DPYSL3: variants seen among roughly 807,000 people sequenced by gnomAD.
The protein encoded by DPYSL3 is dihydropyrimidinase-related protein 3.
DPYSL3 carries 16 observed loss-of-function variants against 66.1 expected under a neutral mutation model. The observed-to-expected ratio is 0.24, with a 90% CI of 0.16 to 0.37. The LOEUF (loss-of-function observed/expected upper bound fraction) is 0.37, where lower values mean the gene tolerates loss of function less well. DPYSL3 is among the 10% of genes least tolerant of loss of function. The probability of loss-of-function intolerance (pLI) is 1.00; values close to 1 mark genes in which losing one functional copy is unlikely to be tolerated. For synonymous variants in DPYSL3, 338 were observed against 345.1 expected (o/e 0.98, Z 0.23); for missense variants, 738 against 916.2 (o/e 0.81, Z 2.51).
chr5:147,393,923 T>C lies in DPYSL3; in HGVS notation c.*112A>G. 1 of 1,072,000 alleles carries C rather than the reference T, an allele frequency of 9.3e-7. No homozygotes were observed. The highest frequency in any genetic ancestry group is 1.4e-6 in the Non-Finnish European group (1 of 720,394). The allele number at this position is 1,072,000 out of a possible 1,614,324, so 66.4% of individuals were successfully genotyped here. A position where few individuals can be genotyped will look rare whatever the true frequency, so the allele number is the denominator to read the frequency against. On this transcript the variant is annotated 3_prime_UTR_variant, in exon 14 of 14. Coordinates refer to ENST00000343218, the MANE Select transcript of DPYSL3 (RefSeq NM_001197294.2). ...AAACATAAGGCTTGAGGCTTATTGA[T>C]TCTTTAGATCACAACCGTTTGGATT...
chr5:147,476,566 C>G (rs896529292), intron 1 of DPYSL3, among the ~76,000 whole-genome samples: 8 of 152,116 alleles, frequency 5.3e-5, no homozygotes, highest in Non-Finnish European at 8.8e-5. Context: ...AGATGAACCC[C>G]TTTGGTCCAT....
intron 1 of DPYSL3, among the ~76,000 whole-genome samples, chr5:147,486,488 T>TC (rs1319441516): frequency 6.6e-6 from 1 of 152,210 alleles, no homozygotes; most frequent in Admixed American, 6.5e-5. Context: ...CTATCTATAG[T>TC]CTAGTTGGAT....
At chr5:147,424,778 A>G (rs1752164239) in intron 2 of DPYSL3, 97 bp downstream of exon 2, 10 of 964,630 alleles carry the variant, frequency 1.0e-5, no homozygotes, top group Non-Finnish European at 1.5e-5. Flanking sequence ...TTAAATTAAG[A>G]TTTTTTTCAC....
At chr5:147,464,294 G>A (rs1207394463) in intron 1 of DPYSL3, among the ~76,000 whole-genome samples, 1 of 152,200 alleles carries the variant, frequency 6.6e-6, no homozygotes, top group Non-Finnish European at 1.5e-5. Flanking sequence ...AGAAGCAGGA[G>A]TGATCCCTTT....
intron 13 of DPYSL3, 34 bp from the exon 14 acceptor site, chr5:147,394,157 A>T: frequency 6.2e-7 from 1 of 1,609,352 alleles, no homozygotes; most frequent in Non-Finnish European, 8.5e-7. Context: ...GGGGGAAAAA[A>T]AAAACAGAGT....
intron 1 of DPYSL3, among the ~76,000 whole-genome samples, chr5:147,449,357 T>C (rs1752685303): frequency 1.3e-5 from 2 of 152,230 alleles, no homozygotes; most frequent in South Asian, 2.1e-4. Context: ...GCAAGTTGTA[T>C]TCCTAACTGG....
intron 2 of DPYSL3, among the ~76,000 whole-genome samples, chr5:147,422,174 C>CA (rs992981248): frequency 2.6e-5 from 4 of 151,842 alleles, no homozygotes; most frequent in Non-Finnish European, 4.4e-5. Context: ...ACAACCCCAT[C>CA]AAAAAAATGG....
chr5:147,441,399 T>C (rs1226565297), intron 1 of DPYSL3, among the ~76,000 whole-genome samples: 1 of 152,052 alleles, frequency 6.6e-6, no homozygotes, highest in Admixed American at 6.5e-5. Context: ...TCCTAATCTA[T>C]TCTTCTTATA....
intron 1 of DPYSL3, among the ~76,000 whole-genome samples, chr5:147,458,569 T>C (rs1752886599): frequency 6.6e-6 from 1 of 152,186 alleles, no homozygotes; most frequent in Non-Finnish European, 1.5e-5. Flanking sequence ...CTGAATTCTT[T>C]CTTGCACAAG....
rs113361405 is a variant in DPYSL3, at chr5:147,421,554, C to T, written c.471-2923G>A. Among the ~76,000 whole-genome samples, 1,925 of 152,208 alleles carry T rather than the reference C, an allele frequency of 0.013. 88 individuals carry two copies. The East Asian group carries it at 0.16, about 13-fold the overall frequency. ...TGAAAAACAGCTTGTATATCCAAGA[C>T]AATCCTAAGTAAAAAGAACAAAGCT... On this transcript the variant is annotated intron_variant, in intron 2 of 13. Transcript: ENST00000343218.
At chr5:147,467,672 T>C (rs1438763875) in intron 1 of DPYSL3, among the ~76,000 whole-genome samples, 4 of 152,230 alleles carry the variant, frequency 2.6e-5, no homozygotes, top group Non-Finnish European at 5.9e-5. Flanking sequence ...CATCAAGGTA[T>C]TGCTGGCAAA....
rs566681803 is a variant in DPYSL3 at position 147,405,595 on chromosome 5, G to A, written c.1153+15C>T. The A allele has an allele frequency of 6.2e-6, 10 of 1,606,796 alleles. No homozygotes were observed. In the African/African-American group the frequency reaches 8.0e-5, roughly 13 times the overall value. On this transcript the variant is annotated intron_variant, in intron 8 of 13. Coordinates refer to ENST00000343218, the MANE Select transcript of DPYSL3 (RefSeq NM_001197294.2). ...GTGCCATCAGGGGCTCCGAGATCTT[G>A]GAAACACAAATCACCTTTTTTCCTG...
At chr5:147,403,729 C>T (rs965718631) in intron 8 of DPYSL3, among the ~76,000 whole-genome samples, 5 of 152,140 alleles carry the variant, frequency 3.3e-5, no homozygotes, top group African/African-American at 1.2e-4. Flanking sequence ...AACCCTGCTA[C>T]ACTTTGTCTT....
intron 1 of DPYSL3, among the ~76,000 whole-genome samples, chr5:147,492,085 T>A (rs759510753): frequency 6.6e-6 from 1 of 152,036 alleles, no homozygotes; most frequent in Non-Finnish European, 1.5e-5. Flanking sequence ...AAAGCAAACA[T>A]GAAAATTTCA....
chr5:147,456,037 G>A (rs1752848440), intron 1 of DPYSL3, among the ~76,000 whole-genome samples: 1 of 152,176 alleles, frequency 6.6e-6, no homozygotes, highest in South Asian at 2.1e-4. Context: ...GGATCCGGCT[G>A]CTGTGACCAG....
intron 1 of DPYSL3, among the ~76,000 whole-genome samples, chr5:147,458,321 C>T (rs1397611690): frequency 6.6e-6 from 1 of 152,192 alleles, no homozygotes; most frequent in East Asian, 1.9e-4. Flanking sequence ...GTCCTCACTG[C>T]TACACTCCCA....
At chr5:147,418,752 C>T (rs1156376675) in intron 2 of DPYSL3, 121 bp from the exon 3 acceptor site, 1 of 865,798 alleles carries the variant, frequency 1.2e-6, no homozygotes, top group East Asian at 2.6e-5. Context: ...TCAAATTAAA[C>T]TTTGCAAGTG....
chr5:147,414,842 G>A (rs1420067149), intron 4 of DPYSL3, among the ~76,000 whole-genome samples: 1 of 152,100 alleles, frequency 6.6e-6, no homozygotes, highest in Non-Finnish European at 1.5e-5. Flanking sequence ...TGGACTCCTA[G>A]CATTTGTGTC....
intron 1 of DPYSL3, among the ~76,000 whole-genome samples, chr5:147,477,096 G>A (rs1012284702): frequency 6.6e-6 from 1 of 152,086 alleles, no homozygotes; most frequent in African/African-American, 2.4e-5. Flanking sequence ...AATAAAATCA[G>A]TATGTTTAAA....
Sources: allele counts gnomAD v4.1 joint callset (sites outside exome capture counted in the v4.1 genomes callset), GRCh38; gene constraint gnomAD v4.1.1; transcripts MANE v1.5; gene names NCBI Gene and HGNC (gene_info 2026-07-23, HGNC 2026-07-21).